BMPR1B: variants seen among roughly 807,000 people sequenced by gnomAD.
The protein encoded by BMPR1B is bone morphogenetic protein receptor type-1B.
In BMPR1B, 12 loss-of-function variants were observed where a neutral mutation model predicts 59.1. The observed-to-expected ratio is 0.20, with a 90% CI of 0.13 to 0.33. The LOEUF (loss-of-function observed/expected upper bound fraction) is 0.33. Ranked by LOEUF, BMPR1B falls within the 10% of genes least tolerant of loss-of-function variation. The pLI, the probability that BMPR1B is intolerant of heterozygous loss-of-function variation, is 1.00. For synonymous variants in BMPR1B, 237 were observed against 207.3 expected (o/e 1.14, Z -1.23); for missense variants, 550 against 610.9 (o/e 0.90, Z 1.05).
At chr4:94,763,052 A>G (rs1239063493) in intron 1 of BMPR1B, among the ~76,000 whole-genome samples, 1 of 152,128 alleles carries the variant, frequency 6.6e-6, no homozygotes, top group Non-Finnish European at 1.5e-5. Flanking sequence ...AGCCTATAGT[A>G]TGTCCTAGGA....
intron 1 of BMPR1B, among the ~76,000 whole-genome samples, chr4:94,798,940 A>G (rs1441217131): frequency 6.6e-6 from 1 of 151,776 alleles, no homozygotes; most frequent in East Asian, 1.9e-4. Context: ...AAAATAGAAG[A>G]CAGGCAGTCT....
chr4:95,141,688 G>A (rs956916798), intron 10 of BMPR1B, among the ~76,000 whole-genome samples: 15 of 152,122 alleles, frequency 9.9e-5, no homozygotes, highest in African/African-American at 3.6e-4. Flanking sequence ...AACTTACAAA[G>A]CTTTTCACTC....
intron 10 of BMPR1B, among the ~76,000 whole-genome samples, chr4:95,133,695 C>G (rs1289980288): frequency 2.0e-5 from 3 of 152,042 alleles, no homozygotes; most frequent in Non-Finnish European, 4.4e-5. Context: ...CCTCAGCCTC[C>G]TGAGTAATTG....
At chr4:94,982,799 A>G (rs1200424508) in intron 2 of BMPR1B, among the ~76,000 whole-genome samples, 2 of 152,066 alleles carry the variant, frequency 1.3e-5, no homozygotes, top group Non-Finnish European at 2.9e-5. Flanking sequence ...CCTGGCTAAC[A>G]CGGTGAAACC....
At position 95,005,479 on chromosome 4, in the gene BMPR1B, C is replaced by T. The variant is rs964226385; in HGVS notation, c.-18+9345C>T. On this transcript the variant is annotated intron_variant, in intron 3 of 12. Coordinates refer to ENST00000515059, the MANE Select transcript of BMPR1B (RefSeq NM_001203.3). ...TAGGGCAGTTCAACAAACAGGCTGA[C>T]GTACTATGATCTTTCAGACAGCCCA... Among the ~76,000 whole-genome samples, 12 of 152,208 alleles carry T rather than the reference C, an allele frequency of 7.9e-5. No homozygotes were observed. In the South Asian group the frequency reaches 1.2e-3, roughly 16 times the overall value.
In BMPR1B at chr4:95,010,927, A is replaced by G. The variant is rs367673638; in HGVS notation, c.-18+14793A>G. Among the ~76,000 whole-genome samples the G allele has an allele frequency of 2.6e-4, 39 of 152,282 alleles. No homozygotes were observed. The South Asian group carries it at 7.5e-3, about 29-fold the overall frequency. On this transcript the variant is annotated intron_variant, in intron 3 of 12. Coordinates refer to ENST00000515059, the MANE Select transcript of BMPR1B (RefSeq NM_001203.3). ...ATATGCTGGATATGTGCCTTATATTATTTAGGAATTGCATTTGGATGGAAG... is the reference window on the plus strand; with the variant it reads ...ATATGCTGGATATGTGCCTTATATTGTTTAGGAATTGCATTTGGATGGAAG...
intron 2 of BMPR1B, among the ~76,000 whole-genome samples, chr4:94,932,038 C>T (rs1360219603): frequency 1.3e-5 from 2 of 152,066 alleles, no homozygotes; most frequent in African/African-American, 4.8e-5. Flanking sequence ...GCCAGGAAGC[C>T]AAAAAGTCAG....
chr4:94,826,250 G>A (rs911363463), intron 1 of BMPR1B, among the ~76,000 whole-genome samples: 1 of 152,160 alleles, frequency 6.6e-6, no homozygotes, highest in South Asian at 2.1e-4. Context: ...GTGGTCTTTC[G>A]GTAGAGTTGA....
chr4:94,842,139 G>A (rs1725112688), intron 1 of BMPR1B, among the ~76,000 whole-genome samples: 1 of 152,076 alleles, frequency 6.6e-6, no homozygotes, highest in African/African-American at 2.4e-5. Context: ...TACATGTTTT[G>A]TTTTATTTGT....
chr4:94,902,216 T>TCACA (rs748411550), intron 2 of BMPR1B, among the ~76,000 whole-genome samples: 42 of 77,378 alleles, frequency 5.4e-4, no homozygotes, highest in African/African-American at 1.5e-3. Context: ...GAAATTCAAT[T>TCACA]CACACACACA....
At chr4:94,941,731 T>C (rs1419309834) in intron 2 of BMPR1B, among the ~76,000 whole-genome samples, 1 of 152,170 alleles carries the variant, frequency 6.6e-6, no homozygotes, top group African/African-American at 2.4e-5. Flanking sequence ...GCTCTGTGTT[T>C]TCCAGGAGAA....
At chr4:94,897,267 G>T (rs1243984220) in intron 2 of BMPR1B, among the ~76,000 whole-genome samples, 1 of 152,012 alleles carries the variant, frequency 6.6e-6, no homozygotes, top group Non-Finnish European at 1.5e-5. Flanking sequence ...CGTGGACTCC[G>T]AAACCTTTTG....
rs114455115 is a variant in BMPR1B at position 94,824,305 on chromosome 4, A to T, written c.-182-51526A>T. ...TAACTTTTTCCTTCTCCATGAATTC[A>T]CCTGTTAATCAGATGCTTCTTTGTG... On this transcript the variant is annotated intron_variant, in intron 1 of 12. Coordinates refer to ENST00000515059, the MANE Select transcript of BMPR1B (RefSeq NM_001203.3). 6.6e-3 allele frequency among the ~76,000 whole-genome samples: 1,011 copies of T among 152,286 alleles called. 11 individuals are homozygous for T. The highest frequency in any genetic ancestry group is 0.023 in the African/African-American group (943 of 41,566).
intron 3 of BMPR1B, among the ~76,000 whole-genome samples, chr4:95,004,168 G>T (rs1722657210): frequency 6.6e-6 from 1 of 152,098 alleles, no homozygotes; most frequent in Admixed American, 6.5e-5. Context: ...TTTATAAAAA[G>T]ACATCATTTG....
At chr4:94,993,976 A>G (rs1014036277) in intron 2 of BMPR1B, among the ~76,000 whole-genome samples, 3 of 152,192 alleles carry the variant, frequency 2.0e-5, no homozygotes, top group Non-Finnish European at 1.5e-5. Flanking sequence ...GCTATTGAGT[A>G]TATTTAAAAT....
At chr4:95,093,671 A>C (rs1430031457) in intron 3 of BMPR1B, among the ~76,000 whole-genome samples, 1 of 152,064 alleles carries the variant, frequency 6.6e-6, no homozygotes, top group Non-Finnish European at 1.5e-5. Context: ...GTCTCTTGGC[A>C]GGGTTTTTCT....
chr4:95,152,779 G>T lies in BMPR1B; in HGVS notation c.1383+6G>T, dbSNP rs748095081. 6.2e-7 allele frequency: 1 copy of T among 1,611,944 alleles called. No individual in the cohort carries two copies. The highest frequency in any genetic ancestry group is 8.5e-7 in the Non-Finnish European group (1 of 1,179,062). Reference sequence around the variant, plus strand: ...ACCGGTGGAGCAGTGATGAGGTAAGGCTTGAGGTAACCATGTGGCTGTGAC... The same window carrying T: ...ACCGGTGGAGCAGTGATGAGGTAAGTCTTGAGGTAACCATGTGGCTGTGAC... On this transcript the variant is annotated splice_donor_region_variant and intron_variant, in intron 12 of 12. Coordinates refer to ENST00000515059, the MANE Select transcript of BMPR1B (RefSeq NM_001203.3).
chr4:94,974,614 A>G (rs1330213043), intron 2 of BMPR1B, among the ~76,000 whole-genome samples: 1 of 152,162 alleles, frequency 6.6e-6, no homozygotes, highest in African/African-American at 2.4e-5. Flanking sequence ...GTAAAGCTGT[A>G]ATACCTGATT....
At chr4:94,857,981 T>G (rs1204427719) in intron 1 of BMPR1B, among the ~76,000 whole-genome samples, 3 of 152,234 alleles carry the variant, frequency 2.0e-5, no homozygotes, top group Admixed American at 2.0e-4. Context: ...AGTCTCGCTC[T>G]GTCGCCCAGG....
Sources: allele counts gnomAD v4.1 joint callset (sites outside exome capture counted in the v4.1 genomes callset), GRCh38; gene constraint gnomAD v4.1.1; transcripts MANE v1.5; gene names NCBI Gene and HGNC (gene_info 2026-07-23, HGNC 2026-07-21).